The following CFAP221 variants were observed in gnomAD, a reference collection of about 807,000 sequenced individuals.
CFAP221 encodes the protein cilia- and flagella-associated protein 221.
In CFAP221, 97 loss-of-function variants were observed where a neutral mutation model predicts 113.1. The ratio of observed to expected loss-of-function variants is 0.86; its 90% CI spans 0.73 to 1.02. The LOEUF is 1.02. Among genes scored for constraint, CFAP221 ranks in the 50% least tolerant of loss-of-function variants. CFAP221 has a pLI of 0.00. For synonymous variants in CFAP221, 331 were observed against 354.4 expected (o/e 0.93, Z 0.74); for missense variants, 1,025 against 1,013.4 (o/e 1.01, Z -0.16).
chr2:119,601,169 A>G lies in CFAP221; in HGVS notation c.632-49A>G, dbSNP rs1166590699. Reference sequence around the variant, plus strand: ...TGTGTGTGTGTCAGCATGTGACTGGACTTGGCAAGAAGAGAGGGTATCACA... The same window carrying G: ...TGTGTGTGTGTCAGCATGTGACTGGGCTTGGCAAGAAGAGAGGGTATCACA... On this transcript the variant is annotated intron_variant, in intron 7 of 23. Transcript: ENST00000413369. The G allele has an allele frequency of 3.5e-6, 5 of 1,444,408 alleles. No individual in the cohort carries two copies. The South Asian group carries it at 7.2e-5, about 21-fold the overall frequency. The allele number at this position is 1,444,408 out of a possible 1,614,324, so 89.5% of individuals were successfully genotyped here.
intron 6 of CFAP221, among the ~76,000 whole-genome samples, chr2:119,563,341 T>C (rs931006098): frequency 2.0e-5 from 3 of 152,224 alleles, no homozygotes; most frequent in South Asian, 2.1e-4. Context: ...AGTACAGAGA[T>C]AGCCATCCAT....
chr2:119,597,672 G>A (rs1016968145), intron 7 of CFAP221, among the ~76,000 whole-genome samples: 1 of 152,120 alleles, frequency 6.6e-6, no homozygotes, highest in African/African-American at 2.4e-5. Context: ...AAACGAAAGC[G>A]TACTCCACAG....
In CFAP221 at chr2:119,608,481, GT is replaced by G. The variant is rs5833792; in HGVS notation, c.1134-9del. The G allele has an allele frequency of 1.2e-3, 1,433 of 1,198,740 alleles. 9 individuals carry two copies. In the African/African-American group the frequency reaches 0.015, roughly 13 times the overall value. The allele number at this position is 1,198,740 out of a possible 1,614,324, so 74.3% of individuals were successfully genotyped here. On this transcript the variant is annotated intron_variant, in intron 11 of 23. Transcript: ENST00000413369. Reference sequence around the variant, plus strand: ...GGTATTCTGATGGGTTCTGGACACAGTTTTTTTTTTTTCTCCCCAGGCAGGT... The same window carrying G: ...GGTATTCTGATGGGTTCTGGACACAGTTTTTTTTTTTCTCCCCAGGCAGGT...
chr2:119,546,230 GA>G lies in CFAP221; in HGVS notation c.106del (p.Arg36GlufsTer9). On this transcript the variant is annotated frameshift_variant, in exon 2 of 24. Transcript: ENST00000413369. LOFTEE classifies it high-confidence loss of function. ...TCTTGAAGAACCTAGTGGAGGAGCC[GA>G]AAAAAAGAAAAGAAGTACCTAATCA... The part of the protein sequence containing the change: ...HLLKNLVEEP[K>X]KRKEVPNHLL... The G allele has an allele frequency of 2.0e-6, 3 of 1,534,668 alleles. No individual in the cohort carries two copies. The highest frequency in any genetic ancestry group is 2.6e-6 in the Non-Finnish European group (3 of 1,146,374).
At chr2:119,658,930 G>A (rs549520351), downstream of CFAP221, among the ~76,000 whole-genome samples, 1 of 151,300 alleles carries the variant, frequency 6.6e-6, no homozygotes, top group South Asian at 2.1e-4. Context: ...AGTCGAGGCT[G>A]CAGTGAGCCA....
intron 3 of CFAP221, among the ~76,000 whole-genome samples, chr2:119,555,028 A>G (rs1680688376): frequency 6.6e-6 from 1 of 152,192 alleles, no homozygotes; most frequent in South Asian, 2.1e-4. Flanking sequence ...GACTCCCCCA[A>G]GGAGACACAG....
chr2:119,656,958 A>G (rs1688468466), downstream of CFAP221, among the ~76,000 whole-genome samples: 1 of 152,118 alleles, frequency 6.6e-6, no homozygotes, highest in African/African-American at 2.4e-5. Flanking sequence ...TGGAGAGGAC[A>G]CTGTGAGGTG....
chr2:119,588,491 G>A (rs889291206), intron 7 of CFAP221, among the ~76,000 whole-genome samples: 23 of 152,262 alleles, frequency 1.5e-4, no homozygotes, highest in African/African-American at 5.5e-4. Context: ...TACCCAGTGG[G>A]TTTTGAAACA....
downstream of CFAP221, chr2:119,656,738 G>A (rs562575623): frequency 5.9e-4 from 139 of 235,906 alleles, 1 homozygote; most frequent in Non-Finnish European, 9.4e-4. Context: ...ACTAAGAGCC[G>A]GGCACTGGCA....
intron 6 of CFAP221, among the ~76,000 whole-genome samples, chr2:119,570,471 G>A (rs1315516921): frequency 1.3e-5 from 2 of 152,140 alleles, no homozygotes; most frequent in African/African-American, 2.4e-5. Flanking sequence ...CCACATGCAA[G>A]TTTAGAACAT....
At chr2:119,607,078 T>C (rs776566237) in intron 11 of CFAP221, among the ~76,000 whole-genome samples, 1 of 152,240 alleles carries the variant, frequency 6.6e-6, no homozygotes, top group Non-Finnish European at 1.5e-5. Flanking sequence ...TATTATCTAA[T>C]AATCAGTCTT....
chr2:119,627,829 T>G, intron 16 of CFAP221, 43 bp downstream of exon 16: 1 of 1,608,990 alleles, frequency 6.2e-7, no homozygotes, highest in Non-Finnish European at 8.5e-7. Flanking sequence ...GACATGATCA[T>G]GATCGTGTTG....
intron 21 of CFAP221, among the ~76,000 whole-genome samples, chr2:119,642,031 G>A (rs933739553): frequency 6.6e-6 from 1 of 152,228 alleles, no homozygotes; most frequent in Non-Finnish European, 1.5e-5. Context: ...TCAACAAGCA[G>A]TGAGAATGCA....
Position 119,646,951 on chromosome 2 carries a change from T to C in CFAP221, c.2226-7T>C. On this transcript the variant is annotated splice_region_variant and splice_polypyrimidine_tract_variant and intron_variant, in intron 21 of 23. Transcript: ENST00000413369. ...TATCTTTGACTGCTTGTGTGGTTTT[T>C]CCACAGCTGCGATTCCTTCAATTCA... is the stretch of plus-strand genomic sequence containing the variant. 1.9e-6 allele frequency: 3 copies of C among 1,611,640 alleles called. No individual in the cohort carries two copies. Among genetic ancestry groups the C allele is most frequent in the Non-Finnish European group, 1.7e-6 (2 of 1,178,264 alleles).
chr2:119,637,332 C>T (rs1365759632), intron 19 of CFAP221, among the ~76,000 whole-genome samples: 1 of 152,168 alleles, frequency 6.6e-6, no homozygotes, highest in Non-Finnish European at 1.5e-5. Flanking sequence ...CTTCTTGACT[C>T]ACCACCGCTG....
chr2:119,628,141 T>G (rs1915838), intron 16 of CFAP221, among the ~76,000 whole-genome samples: 149,216 of 152,302 alleles, frequency 0.98, 73,190 homozygotes, highest in Non-Finnish European at 1. Flanking sequence ...CTGCTCAGCT[T>G]GGCCCTTCTG....
chr2:119,583,903 A>G (rs553394620), intron 6 of CFAP221, among the ~76,000 whole-genome samples: 10 of 152,350 alleles, frequency 6.6e-5, no homozygotes, highest in Non-Finnish European at 1.3e-4. Flanking sequence ...CAAATCTGCC[A>G]GCACCTTGAT....
At position 119,646,962 on chromosome 2, in the gene CFAP221, G is replaced by A. The variant is rs376715639; in HGVS notation, c.2230G>A (p.Asp744Asn). The A allele has an allele frequency of 1.1e-5, 18 of 1,613,312 alleles. No homozygotes were observed. The Middle Eastern group carries it at 6.6e-4, about 59-fold the overall frequency. Reference protein sequence around the residue: ...PSKMETTKSCDSFNSFMLPID... With the variant: ...PSKMETTKSCNSFNSFMLPID... Reference sequence around the variant, plus strand: ...GCTTGTGTGGTTTTTCCACAGCTGCGATTCCTTCAATTCATTTATGCTTCC... The same window carrying A: ...GCTTGTGTGGTTTTTCCACAGCTGCAATTCCTTCAATTCATTTATGCTTCC... The change falls in exon 22 of 24, where the codon GAT becomes AAT. Residue 744 changes from aspartate (D) to asparagine (N), a missense_variant. Physicochemically the swap from Asp to Asn is conservative, Grantham distance 23 (BLOSUM62 1). Coordinates refer to ENST00000413369, the MANE Select transcript of CFAP221 (RefSeq NM_001271049.2).
At chr2:119,613,087 T>C (rs1168408842) in intron 13 of CFAP221, among the ~76,000 whole-genome samples, 2 of 152,218 alleles carry the variant, frequency 1.3e-5, no homozygotes, top group African/African-American at 4.8e-5. Flanking sequence ...AGATCCAAAA[T>C]TATCTCCTTT....
Sources: gnomAD v4.1 joint callset for allele counts (sites outside exome capture counted in the v4.1 genomes callset) on GRCh38, gnomAD v4.1.1 for gene constraint, MANE v1.5 for transcripts, NCBI Gene and HGNC (gene_info 2026-07-23, HGNC 2026-07-21) for gene names.